The following CYP7B1 variants were observed in gnomAD, a reference collection of about 807,000 sequenced individuals.
CYP7B1 encodes the protein cytochrome P450 family 7 subfamily B member 1.
Under a neutral mutation model 42.7 loss-of-function variants are expected in CYP7B1, and 29 were observed. That is an observed-to-expected ratio of 0.68 (90% confidence interval 0.51 to 0.93). CYP7B1 has a LOEUF of 0.93. CYP7B1 is among the 40% of genes least tolerant of loss of function. The probability of loss-of-function intolerance (pLI) is 0.00; values close to 1 mark genes in which losing one functional copy is unlikely to be tolerated. For missense variants in CYP7B1, 655 were observed against 600.5 expected (o/e 1.09, Z -0.95); for synonymous variants, 235 against 218.2 (o/e 1.08, Z -0.68).
chr8:64,624,845 AC>A (rs1274533486), intron 1 of CYP7B1, among the ~76,000 whole-genome samples: 1 of 146,806 alleles, frequency 6.8e-6, no homozygotes, highest in Non-Finnish European at 1.5e-5. Context: ...TTTACCCATC[AC>A]CCGAGCAATG....
At chr8:64,620,408 G>A (rs1333543428) in intron 2 of CYP7B1, among the ~76,000 whole-genome samples, 1 of 152,156 alleles carries the variant, frequency 6.6e-6, no homozygotes, top group Non-Finnish European at 1.5e-5. Context: ...ATGATGTACA[G>A]TGGTGCTTTG....
intron 1 of CYP7B1, among the ~76,000 whole-genome samples, chr8:64,775,632 T>C (rs1804311950): frequency 6.6e-6 from 1 of 152,236 alleles, no homozygotes; most frequent in African/African-American, 2.4e-5. Flanking sequence ...GAGGAGATAA[T>C]ATATATTAAC....
intron 5 of CYP7B1, among the ~76,000 whole-genome samples, chr8:64,604,411 TG>T (rs1396709463): frequency 2.6e-5 from 4 of 152,218 alleles, no homozygotes; most frequent in Non-Finnish European, 5.9e-5. Context: ...AACGTAATAG[TG>T]GCCAAGGCGC....
At chr8:64,707,606 C>T (rs1807019614) in intron 1 of CYP7B1, among the ~76,000 whole-genome samples, 1 of 152,118 alleles carries the variant, frequency 6.6e-6, no homozygotes, top group African/African-American at 2.4e-5. Flanking sequence ...CAATTACTAA[C>T]ATGGCAGGCT....
chr8:64,636,034 CA>C (rs1805764439), intron 1 of CYP7B1, among the ~76,000 whole-genome samples: 1 of 152,150 alleles, frequency 6.6e-6, no homozygotes, highest in African/African-American at 2.4e-5. Flanking sequence ...GAAATAATGT[CA>C]AGGTAGAGTT....
chr8:64,635,846 A>G (rs1318499440), intron 1 of CYP7B1, among the ~76,000 whole-genome samples: 1 of 152,200 alleles, frequency 6.6e-6, no homozygotes, highest in Non-Finnish European at 1.5e-5. Context: ...CTTTGTCTGT[A>G]GAATGTGCCT....
chr8:64,611,974 G>A (rs889223149), intron 4 of CYP7B1, among the ~76,000 whole-genome samples: 4 of 152,054 alleles, frequency 2.6e-5, no homozygotes, highest in Non-Finnish European at 5.9e-5. Flanking sequence ...AGCCTATACC[G>A]TGTACCATTA....
intron 1 of CYP7B1, among the ~76,000 whole-genome samples, chr8:64,681,751 C>G (rs1786911457): frequency 2.6e-5 from 4 of 152,144 alleles, no homozygotes; most frequent in Admixed American, 2.6e-4. Context: ...ATGGCTGCAG[C>G]CCAGCCAACA....
intron 1 of CYP7B1, among the ~76,000 whole-genome samples, chr8:64,663,493 T>G (rs138150340): frequency 4.5e-4 from 68 of 152,356 alleles, no homozygotes; most frequent in African/African-American, 1.6e-3. Context: ...TGGTTTGCCA[T>G]GATTCACTTT....
At position 64,773,090 on chromosome 8, in the gene CYP7B1, C is replaced by T. The variant is rs150699615; in HGVS notation, c.122+25376G>A. Among the ~76,000 whole-genome samples, 16 of 152,274 alleles carry T rather than the reference C, an allele frequency of 1.1e-4. No homozygotes were observed. The East Asian group carries it at 3.1e-3, about 29-fold the overall frequency. ...ATTTTTTCCACTGTGCATATCACTGCCTATATGATAATCTATGTATTTATT... is the reference window on the plus strand; with the variant it reads ...ATTTTTTCCACTGTGCATATCACTGTCTATATGATAATCTATGTATTTATT... On this transcript the variant is annotated intron_variant, in intron 1 of 5. Transcript: ENST00000310193.
At chr8:64,722,340 T>G (rs1452237903) in intron 1 of CYP7B1, among the ~76,000 whole-genome samples, 1 of 152,184 alleles carries the variant, frequency 6.6e-6, no homozygotes, top group Non-Finnish European at 1.5e-5. Context: ...ACAAACTCAG[T>G]GTTGAAAATA....
chr8:64,612,551 C>A (rs377027083), intron 4 of CYP7B1, among the ~76,000 whole-genome samples: 1 of 152,088 alleles, frequency 6.6e-6, no homozygotes, highest in African/African-American at 2.4e-5. Context: ...CAGATGATTG[C>A]TTTAAATTAC....
At chr8:64,726,406 G>A (rs939758928) in intron 1 of CYP7B1, among the ~76,000 whole-genome samples, 1 of 152,178 alleles carries the variant, frequency 6.6e-6, no homozygotes, top group East Asian at 1.9e-4. Context: ...TAATGGCCCA[G>A]TAATGAACCC....
chr8:64,627,391 AC>A (rs1805624165), intron 1 of CYP7B1, among the ~76,000 whole-genome samples: 1 of 152,180 alleles, frequency 6.6e-6, no homozygotes, highest in Admixed American at 6.5e-5. Flanking sequence ...GCTATCAATG[AC>A]CCTTTCAAAT....
chr8:64,771,693 C>A (rs1350614045), intron 1 of CYP7B1, among the ~76,000 whole-genome samples: 2 of 152,196 alleles, frequency 1.3e-5, no homozygotes, highest in Non-Finnish European at 2.9e-5. Flanking sequence ...TGTTTCCCAG[C>A]TTAAATTCCA....
At chr8:64,774,947 T>A (rs773375907) in intron 1 of CYP7B1, among the ~76,000 whole-genome samples, 14 of 152,200 alleles carry the variant, frequency 9.2e-5, no homozygotes, top group Non-Finnish European at 1.6e-4. Flanking sequence ...TCTTTAGCAC[T>A]CTGCCATATC....
At chr8:64,682,706 G>A (rs1292040367) in intron 1 of CYP7B1, among the ~76,000 whole-genome samples, 6 of 152,240 alleles carry the variant, frequency 3.9e-5, no homozygotes, top group South Asian at 2.1e-4. Flanking sequence ...GCTCTAGAGC[G>A]TGCTGTCCAG....
chr8:64,650,971 A>G (rs1806029544), intron 1 of CYP7B1, among the ~76,000 whole-genome samples: 2 of 152,198 alleles, frequency 1.3e-5, no homozygotes, highest in African/African-American at 4.8e-5. Context: ...CATTGGGTGT[A>G]TAAAATGTAC....
chr8:64,590,106 T>A (rs188744499), downstream of CYP7B1, among the ~76,000 whole-genome samples: 7 of 152,342 alleles, frequency 4.6e-5, no homozygotes, highest in East Asian at 1.3e-3. Context: ...AGAATAAAGT[T>A]GAAAACAAAA....
Sources: gnomAD v4.1 joint callset for allele counts (sites outside exome capture counted in the v4.1 genomes callset) on GRCh38, gnomAD v4.1.1 for gene constraint, MANE v1.5 for transcripts, NCBI Gene and HGNC (gene_info 2026-07-23, HGNC 2026-07-21) for gene names.